The following CPNE4 variants were observed in gnomAD, a reference collection of about 807,000 sequenced individuals.
The protein encoded by CPNE4 is copine-4.
CPNE4 carries 25 observed loss-of-function variants against 67.9 expected under a neutral mutation model. That is an observed-to-expected ratio of 0.37 (90% CI 0.27 to 0.51). The LOEUF (loss-of-function observed/expected upper bound fraction) is 0.51. Among genes scored for constraint, CPNE4 ranks in the 20% least tolerant of loss-of-function variants. The pLI, the probability that CPNE4 is intolerant of heterozygous loss-of-function variation, is 0.93. For synonymous variants in CPNE4, 242 were observed against 244.9 expected, an observed-to-expected ratio of 0.99 and a Z score of 0.11; for missense variants, 464 against 690.8, an observed-to-expected ratio of 0.67 and a Z score of 3.68.
intron 2 of CPNE4, among the ~76,000 whole-genome samples, chr3:131,819,649 A>C (rs777403235): frequency 1.4e-4 from 21 of 152,206 alleles, no homozygotes; most frequent in Non-Finnish European, 2.2e-4. Flanking sequence ...CTCCATAGCA[A>C]CCACGGTTGC....
At chr3:132,014,883 A>G (rs2107681545) in intron 1 of CPNE4, among the ~76,000 whole-genome samples, 1 of 152,302 alleles carries the variant, frequency 6.6e-6, no homozygotes, top group Non-Finnish European at 1.5e-5. Context: ...AACCAAGAAT[A>G]TTTTAAAATG....
chr3:131,569,584 G>C (rs1937225979), intron 10 of CPNE4, among the ~76,000 whole-genome samples: 1 of 150,762 alleles, frequency 6.6e-6, no homozygotes, highest in Non-Finnish European at 1.5e-5. Context: ...GTTACAGTGA[G>C]CTTCCAGTGT....
chr3:131,943,153 A>T (rs1337496729), intron 1 of CPNE4, among the ~76,000 whole-genome samples: 2 of 152,216 alleles, frequency 1.3e-5, no homozygotes, highest in African/African-American at 4.8e-5. Context: ...TATTCGGTTA[A>T]CATTGCCAGG....
intron 7 of CPNE4, among the ~76,000 whole-genome samples, chr3:131,601,152 A>T (rs150503974): frequency 5.9e-5 from 9 of 152,256 alleles, no homozygotes; most frequent in Non-Finnish European, 1.0e-4. Context: ...TTCACTGGAC[A>T]ACTAGGTAAT....
intron 7 of CPNE4, among the ~76,000 whole-genome samples, chr3:131,598,824 A>G (rs1195913662): frequency 6.7e-6 from 1 of 150,268 alleles, no homozygotes; most frequent in Non-Finnish European, 1.5e-5. Context: ...CTTTGATAAT[A>G]GACACTCTTT....
chr3:131,713,888 G>C (rs2081618474), intron 3 of CPNE4, among the ~76,000 whole-genome samples: 1 of 150,050 alleles, frequency 6.7e-6, no homozygotes, highest in Non-Finnish European at 1.5e-5. Context: ...GAGCAGAAAA[G>C]ACAGCAGTAA....
At chr3:131,854,591 A>C (rs1366156105) in intron 2 of CPNE4, among the ~76,000 whole-genome samples, 1 of 151,906 alleles carries the variant, frequency 6.6e-6, no homozygotes, top group African/African-American at 2.4e-5. Context: ...AAAGAGGAAA[A>C]ATTCTATTTC....
At chr3:131,572,336 A>G (rs1164677753) in intron 10 of CPNE4, among the ~76,000 whole-genome samples, 1 of 152,116 alleles carries the variant, frequency 6.6e-6, no homozygotes, top group African/African-American at 2.4e-5. Context: ...GGGAGCAGTT[A>G]CTAGAATTCA....
In CPNE4 at chr3:131,808,888, T is replaced by C. The variant is rs547073207; in HGVS notation, c.181-85263A>G. Among the ~76,000 whole-genome samples, 13 of 152,326 alleles carry C rather than the reference T, an allele frequency of 8.5e-5. No individual in the cohort carries two copies. The South Asian group carries it at 2.5e-3, about 29-fold the overall frequency. ...GTAAACGGTAAACTAAGCACTGTAATATAAGCTAGTAATTTTCCAGAAGAT... is the reference window on the plus strand; with the variant it reads ...GTAAACGGTAAACTAAGCACTGTAACATAAGCTAGTAATTTTCCAGAAGAT... On this transcript the variant is annotated intron_variant, in intron 2 of 15. Coordinates refer to ENST00000429747, the MANE Select transcript of CPNE4 (RefSeq NM_130808.3).
intron 2 of CPNE4, among the ~76,000 whole-genome samples, chr3:131,774,753 G>A (rs1021828948): frequency 6.6e-6 from 1 of 151,984 alleles, no homozygotes; most frequent in Non-Finnish European, 1.5e-5. Context: ...CCTGCCTCTC[G>A]TCCACTATCT....
At chr3:131,653,238 C>T (rs532007559) in intron 7 of CPNE4, among the ~76,000 whole-genome samples, 20 of 151,418 alleles carry the variant, frequency 1.3e-4, no homozygotes, top group African/African-American at 1.9e-4. Context: ...CTCCGCCTCC[C>T]GGTTCACTCT....
At chr3:131,589,460 C>T (rs1225292431) in intron 7 of CPNE4, among the ~76,000 whole-genome samples, 1 of 152,236 alleles carries the variant, frequency 6.6e-6, no homozygotes, top group Non-Finnish European at 1.5e-5. Flanking sequence ...GCCGTGCTAG[C>T]AGCCGATTGG....
At chr3:131,887,167 T>C (rs9831019) in intron 2 of CPNE4, among the ~76,000 whole-genome samples, 43,830 of 152,082 alleles carry the variant, frequency 0.29, 7,391 homozygotes, top group Non-Finnish European at 0.37. Flanking sequence ...GGGGACAGTT[T>C]CCCCCATACT....
intron 9 of CPNE4, among the ~76,000 whole-genome samples, chr3:131,576,553 T>C (rs1021701957): frequency 6.6e-6 from 1 of 152,138 alleles, no homozygotes; most frequent in Admixed American, 6.6e-5. Flanking sequence ...TATGATAAGA[T>C]GCCTGACATG....
At chr3:131,618,200 T>A (rs1249777110) in intron 7 of CPNE4, among the ~76,000 whole-genome samples, 3 of 152,022 alleles carry the variant, frequency 2.0e-5, no homozygotes, top group Non-Finnish European at 4.4e-5. Flanking sequence ...CTGGGGTAGT[T>A]TGGGAAGGCA....
intron 1 of CPNE4, among the ~76,000 whole-genome samples, chr3:131,911,242 G>T (rs1363471680): frequency 4.0e-5 from 6 of 149,342 alleles, no homozygotes; most frequent in African/African-American, 1.5e-4. Context: ...TAGGCAGCCA[G>T]AAACTGAGAC....
intron 1 of CPNE4, among the ~76,000 whole-genome samples, chr3:132,028,479 A>T (rs2074163868): frequency 6.6e-6 from 1 of 152,124 alleles, no homozygotes; most frequent in Non-Finnish European, 1.5e-5. Context: ...TATTCAACAG[A>T]TAGATGAATG....
chr3:131,814,771 A>C (rs556956791), intron 2 of CPNE4, among the ~76,000 whole-genome samples: 1 of 143,970 alleles, frequency 6.9e-6, no homozygotes, highest in South Asian at 2.1e-4. Context: ...CGCCCGGCTA[A>C]TTTTTTGTAT....
chr3:131,960,857 G>A (rs2072147186), intron 1 of CPNE4, among the ~76,000 whole-genome samples: 1 of 152,120 alleles, frequency 6.6e-6, no homozygotes, highest in Non-Finnish European at 1.5e-5. Context: ...ACTCCTCAAG[G>A]AGATAGATTT....
Sources: gnomAD v4.1 joint callset for allele counts (sites outside exome capture counted in the v4.1 genomes callset) on GRCh38, gnomAD v4.1.1 for gene constraint, MANE v1.5 for transcripts, NCBI Gene and HGNC (gene_info 2026-07-23, HGNC 2026-07-21) for gene names.